The following KCNMA1 variants were observed in gnomAD, a reference collection of about 807,000 sequenced individuals.
The protein encoded by KCNMA1 is Calcium-activated potassium channel subunit alpha-1.
Under a neutral mutation model 140.0 loss-of-function variants are expected in KCNMA1, and 29 were observed. The observed-to-expected ratio is 0.21, with a 90% CI of 0.15 to 0.28. The LOEUF (loss-of-function observed/expected upper bound fraction) is 0.28, where lower values mean the gene tolerates loss of function less well. KCNMA1 is among the 10% of genes least tolerant of loss of function. The pLI is 1.00. For synonymous variants in KCNMA1, 612 were observed against 611.9 expected (o/e 1.00, Z 0.00); for missense variants, 880 against 1,602.2 (o/e 0.55, Z 7.70).
chr10:77,462,516 C>T (rs1442940323), intron 1 of KCNMA1, among the ~76,000 whole-genome samples: 1 of 152,210 alleles, frequency 6.6e-6, no homozygotes, highest in East Asian at 1.9e-4. Context: ...CTCATGTGCT[C>T]ACAGAGACCC....
chr10:77,540,808 C>A (rs2154554913), intron 1 of KCNMA1, among the ~76,000 whole-genome samples: 1 of 152,236 alleles, frequency 6.6e-6, no homozygotes. Flanking sequence ...GGAGACCAGC[C>A]TGGTCAACAG....
chr10:77,179,391 TCGGGAGACACCAGG>T (rs1389505753), intron 5 of KCNMA1, among the ~76,000 whole-genome samples: 1 of 152,104 alleles, frequency 6.6e-6, no homozygotes, highest in African/African-American at 2.4e-5. Flanking sequence ...GCACTAGGAC[TCGGGAGACACCAGG>T]CTAGCTCTGC....
intron 13 of KCNMA1, among the ~76,000 whole-genome samples, chr10:77,074,357 G>A (rs1349590486): frequency 6.6e-6 from 1 of 152,226 alleles, no homozygotes; most frequent in Non-Finnish European, 1.5e-5. Flanking sequence ...ACTAGTTCCA[G>A]AGTACTTGAT....
At chr10:77,135,182 G>A (rs1298093081) in intron 5 of KCNMA1, among the ~76,000 whole-genome samples, 1 of 151,856 alleles carries the variant, frequency 6.6e-6, no homozygotes, top group Non-Finnish European at 1.5e-5. Context: ...AATGGGCAAA[G>A]GACCTGAATA....
rs1364067756 is a variant in KCNMA1, at chr10:76,887,534, G to A, written c.3462-19C>T. On this transcript the variant is annotated intron_variant, in intron 27 of 27. Transcript: ENST00000286628. ...GACATACCTGGACAGGGAAAGCAGAGATGTCACCTCCTGAGAGTAACTGAG... is the reference window on the plus strand; with the variant it reads ...GACATACCTGGACAGGGAAAGCAGAAATGTCACCTCCTGAGAGTAACTGAG... 2 of 1,614,068 alleles carry A rather than the reference G, an allele frequency of 1.2e-6. No homozygotes were observed. Among genetic ancestry groups the A allele is most frequent in the Non-Finnish European group, 1.7e-6 (2 of 1,179,962 alleles).
At position 77,108,057 on chromosome 10, in the gene KCNMA1, G is replaced by T; in HGVS notation, c.1223+424C>A. On this transcript the variant is annotated intron_variant, in intron 9 of 27. Transcript: ENST00000286628. The surrounding 1 kb of genome is among the most constrained non-coding windows in gnomAD (Gnocchi z 4.6). ...AGAAAATATGGGCCCAGTTATAAAT[G>T]GACTCCTTTCAGGATAAATTCATTA... Among the ~76,000 whole-genome samples, 1 of 152,154 alleles carries T rather than the reference G, an allele frequency of 6.6e-6. No homozygotes were observed. The highest frequency in any genetic ancestry group is 2.4e-5 in the African/African-American group (1 of 41,438).
At chr10:76,908,511 T>C (rs2048735620) in intron 25 of KCNMA1, among the ~76,000 whole-genome samples, 1 of 152,268 alleles carries the variant, frequency 6.6e-6, no homozygotes, top group Non-Finnish European at 1.5e-5. Flanking sequence ...TGTTCAGGCA[T>C]ACAGAATAAC....
At chr10:77,372,309 C>T in intron 2 of KCNMA1, among the ~76,000 whole-genome samples, 1 of 152,182 alleles carries the variant, frequency 6.6e-6, no homozygotes, top group East Asian at 1.9e-4. Context: ...TGCCACTCCC[C>T]AGGGCTAAAC....
At chr10:77,071,783 A>G (rs181207656) in intron 14 of KCNMA1, 1 of 152,330 alleles carries the variant, frequency 6.6e-6, no homozygotes, top group African/African-American at 2.4e-5. Flanking sequence ...TGCTAAAGTG[A>G]TTGAAGGAGC....
intron 2 of KCNMA1, among the ~76,000 whole-genome samples, chr10:77,388,886 C>T (rs937148837): frequency 6.6e-6 from 1 of 152,194 alleles, no homozygotes; most frequent in African/African-American, 2.4e-5. Flanking sequence ...GAGCCCCCAA[C>T]ACACAACTCC....
At chr10:77,245,739 A>G (rs1331601424) in intron 3 of KCNMA1, among the ~76,000 whole-genome samples, 1 of 152,214 alleles carries the variant, frequency 6.6e-6, no homozygotes, top group Non-Finnish European at 1.5e-5. Context: ...CCAAATCACA[A>G]GGACAGATTA....
At chr10:77,304,941 G>T (rs1452220841) in intron 2 of KCNMA1, among the ~76,000 whole-genome samples, 1 of 152,176 alleles carries the variant, frequency 6.6e-6, no homozygotes, top group Non-Finnish European at 1.5e-5. Flanking sequence ...ATGAGTGCTA[G>T]AACCAAGGTA....
intron 1 of KCNMA1, among the ~76,000 whole-genome samples, chr10:77,607,136 C>T (rs1266612238): frequency 6.6e-6 from 1 of 152,136 alleles, no homozygotes; most frequent in African/African-American, 2.4e-5. Flanking sequence ...AAGGAAGGCT[C>T]TGAATGTCAG....
At chr10:77,210,651 T>TTATG (rs2045757161) in intron 3 of KCNMA1, among the ~76,000 whole-genome samples, 1 of 152,160 alleles carries the variant, frequency 6.6e-6, no homozygotes, top group Admixed American at 6.6e-5. Flanking sequence ...ATATTACTCT[T>TTATG]TACTTAGAAA....
At chr10:77,343,658 A>G (rs1426906454) in intron 2 of KCNMA1, among the ~76,000 whole-genome samples, 3 of 152,230 alleles carry the variant, frequency 2.0e-5, no homozygotes, top group African/African-American at 7.2e-5. Flanking sequence ...TCCCATATAA[A>G]TGTACAAATA....
intron 17 of KCNMA1, among the ~76,000 whole-genome samples, chr10:77,015,777 C>T (rs2091909241): frequency 1.3e-5 from 2 of 152,052 alleles, no homozygotes; most frequent in Non-Finnish European, 1.5e-5. Context: ...TTTTTCCTCA[C>T]TTCTGCCCAA....
In KCNMA1 at chr10:77,470,985, G is replaced by A. The variant is rs144708191; in HGVS notation, c.379-66962C>T. 9.8e-4 allele frequency among the ~76,000 whole-genome samples: 149 copies of A among 152,040 alleles called. 3 individuals carry two copies. In the East Asian group the frequency reaches 0.012, roughly 12 times the overall value. ...AGCCCGGCTCATCCAATGGATAGAC[G>A]CACACCATACACACACCACACAACA... On this transcript the variant is annotated intron_variant, in intron 1 of 27. Transcript: ENST00000286628.
At chr10:76,949,027 A>C (rs2065278163) in intron 22 of KCNMA1, 115 bp downstream of exon 22, 2 of 910,238 alleles carry the variant, frequency 2.2e-6, no homozygotes, top group African/African-American at 1.6e-5. Context: ...CCTCAGGCCC[A>C]TACCCAGATG....
At chr10:77,586,923 T>C (rs115472886) in intron 1 of KCNMA1, 1 of 152,222 alleles carries the variant, frequency 6.6e-6, no homozygotes, top group Non-Finnish European at 1.5e-5. Context: ...GCCTAAGAAT[T>C]TTCTACTCCA....
Sources: allele counts gnomAD v4.1 joint callset (sites outside exome capture counted in the v4.1 genomes callset), GRCh38; gene constraint gnomAD v4.1.1; non-coding constraint Gnocchi (gnomAD v3.1); transcripts MANE v1.5; gene names NCBI Gene and HGNC (gene_info 2026-07-23, HGNC 2026-07-21).